Variants in FGF7 observed in about 807,000 individuals in gnomAD.
The protein encoded by FGF7 is fibroblast growth factor 7.
A neutral mutation model predicts 20.5 loss-of-function variants in FGF7; 6 were observed. The ratio of observed to expected loss-of-function variants is 0.29; its 90% CI spans 0.16 to 0.58. The LOEUF (loss-of-function observed/expected upper bound fraction) is 0.58. Among genes scored for constraint, FGF7 ranks in the 20% least tolerant of loss-of-function variants. FGF7 has a pLI of 0.90. For synonymous variants in FGF7, 64 were observed against 74.7 expected (o/e 0.86, Z 0.74); for missense variants, 144 against 228.8 (o/e 0.63, Z 2.39).
chr15:49,474,626 C>T (rs567518494), intron 2 of FGF7, among the ~76,000 whole-genome samples: 37 of 152,170 alleles, frequency 2.4e-4, no homozygotes, highest in Middle Eastern at 3.4e-3. Context: ...TATCAGTTTT[C>T]GGCAGGAGCC....
chr15:49,428,647 G>C (rs932350156), intron 2 of FGF7, among the ~76,000 whole-genome samples: 4 of 151,978 alleles, frequency 2.6e-5, no homozygotes, highest in African/African-American at 9.7e-5. Context: ...TTGAGAGACA[G>C]ATGTGGAAGA....
At chr15:49,456,640 A>G (rs1476327782) in intron 2 of FGF7, among the ~76,000 whole-genome samples, 3 of 152,250 alleles carry the variant, frequency 2.0e-5, no homozygotes, top group African/African-American at 4.8e-5. Context: ...CATAGTAACT[A>G]CAAAATAAGG....
intron 2 of FGF7, among the ~76,000 whole-genome samples, chr15:49,431,878 C>A (rs545861767): frequency 2.7e-4 from 41 of 151,616 alleles, no homozygotes; most frequent in African/African-American, 9.6e-4. Flanking sequence ...AAGGAAGAAA[C>A]AAAACCACTA....
chr15:49,448,671 G>T (rs1453170855), intron 2 of FGF7, among the ~76,000 whole-genome samples: 7 of 150,074 alleles, frequency 4.7e-5, no homozygotes, highest in Non-Finnish European at 4.4e-5. Flanking sequence ...ATCCACATAT[G>T]TACATATATA....
chr15:49,429,936 G>T (rs532531300), intron 2 of FGF7, among the ~76,000 whole-genome samples: 1 of 152,066 alleles, frequency 6.6e-6, no homozygotes, highest in East Asian at 1.9e-4. Flanking sequence ...TGCTTATGGA[G>T]AACAAGAATT....
At chr15:49,455,508 T>C (rs991540268) in intron 2 of FGF7, among the ~76,000 whole-genome samples, 4 of 152,184 alleles carry the variant, frequency 2.6e-5, no homozygotes, top group South Asian at 2.1e-4. Flanking sequence ...GGGTGCTCAA[T>C]TGCACTACTC....
intron 2 of FGF7, among the ~76,000 whole-genome samples, chr15:49,458,998 C>A (rs1157452813): frequency 6.6e-6 from 1 of 152,038 alleles, no homozygotes; most frequent in African/African-American, 2.4e-5. Context: ...GTTTGATTGT[C>A]CTTCATTTCT....
intron 2 of FGF7, among the ~76,000 whole-genome samples, chr15:49,461,151 G>A (rs2053762395): frequency 6.6e-6 from 1 of 152,098 alleles, no homozygotes; most frequent in African/African-American, 2.4e-5. Context: ...ATCTGTTGAA[G>A]TCCTCCTCGA....
intron 2 of FGF7, among the ~76,000 whole-genome samples, chr15:49,468,014 C>T (rs2054417137): frequency 6.6e-6 from 1 of 152,118 alleles, no homozygotes; most frequent in African/African-American, 2.4e-5. Flanking sequence ...AGTTCTAACG[C>T]TGCTGAAACA....
chr15:49,442,811 C>T (rs1011723660), intron 2 of FGF7, among the ~76,000 whole-genome samples: 3 of 151,654 alleles, frequency 2.0e-5, no homozygotes, highest in Admixed American at 6.6e-5. Flanking sequence ...TTTTTAATTC[C>T]GTTTGTGCTT....
intron 2 of FGF7, among the ~76,000 whole-genome samples, chr15:49,439,451 G>C (rs952822507): frequency 1.5e-4 from 22 of 151,684 alleles, no homozygotes; most frequent in Non-Finnish European, 2.8e-4. Flanking sequence ...ACTACCCAAG[G>C]GTGTGAATAG....
Position 49,423,307 on chromosome 15 carries a change from G to A in FGF7, c.-400G>A, listed in dbSNP as rs900216765. 7.9e-5 allele frequency: 12 copies of A among 152,008 alleles called. 1 individual carries two copies. The highest frequency in any genetic ancestry group is 7.2e-4 in the Admixed American group (11 of 15,230). 9.4% of individuals were successfully genotyped at this position (152,008 alleles called of 1,614,324 possible). A position where few individuals can be genotyped will look rare whatever the true frequency, so the allele number is the denominator to read the frequency against. ...AAAATCCTTCTGCCTGTTGATTTAT[G>A]GAAACAATTATGATTCTGCTGGAGA... On this transcript the variant is annotated 5_prime_UTR_variant, in exon 1 of 4. It removes an upstream start codon present in the reference 5' UTR. Coordinates refer to ENST00000267843, the MANE Select transcript of FGF7 (RefSeq NM_002009.4).
At chr15:49,442,897 T>C (rs1030325511) in intron 2 of FGF7, among the ~76,000 whole-genome samples, 1 of 151,690 alleles carries the variant, frequency 6.6e-6, no homozygotes, top group Non-Finnish European at 1.5e-5. Context: ...AATGATTAGG[T>C]TGATTAGGAA....
At chr15:49,448,201 T>C (rs1010390662) in intron 2 of FGF7, among the ~76,000 whole-genome samples, 2 of 151,768 alleles carry the variant, frequency 1.3e-5, no homozygotes, top group African/African-American at 4.8e-5. Flanking sequence ...AACTTTCTTT[T>C]CAACCTTCTC....
intron 2 of FGF7, among the ~76,000 whole-genome samples, chr15:49,471,365 T>TA (rs1263483535): frequency 4.6e-5 from 7 of 151,632 alleles, no homozygotes; most frequent in African/African-American, 1.7e-4. Flanking sequence ...AACCTGTAAT[T>TA]ACAGCTACTC....
At chr15:49,464,606 T>C (rs558500399) in intron 2 of FGF7, among the ~76,000 whole-genome samples, 1 of 152,298 alleles carries the variant, frequency 6.6e-6, no homozygotes, top group South Asian at 2.1e-4. Flanking sequence ...TTATACAAGA[T>C]AAAAGTCACT....
In FGF7 at chr15:49,444,874, C is replaced by A. The variant is rs891049519; in HGVS notation, c.286+20291C>A. On this transcript the variant is annotated intron_variant, in intron 2 of 3. Coordinates refer to ENST00000267843, the MANE Select transcript of FGF7 (RefSeq NM_002009.4). Reference sequence around the variant, plus strand: ...TTACAACCTAATGCATAAAGTTTAGCCTCTCTTTTTTTGTTTTTATCACAT... The same window carrying A: ...TTACAACCTAATGCATAAAGTTTAGACTCTCTTTTTTTGTTTTTATCACAT... Among the ~76,000 whole-genome samples, 3 of 151,646 alleles carry A rather than the reference C, an allele frequency of 2.0e-5. No homozygotes were observed. The East Asian group carries it at 5.8e-4, about 29-fold the overall frequency.
chr15:49,471,529 T>C (rs2054761467), intron 2 of FGF7, among the ~76,000 whole-genome samples: 1 of 143,328 alleles, frequency 7.0e-6, no homozygotes, highest in Admixed American at 7.0e-5. Flanking sequence ...ATAATAATAA[T>C]AATATGGCAA....
intron 2 of FGF7, among the ~76,000 whole-genome samples, chr15:49,472,039 T>C (rs2054830384): frequency 6.7e-6 from 1 of 148,292 alleles, no homozygotes; most frequent in Admixed American, 6.7e-5. Context: ...AAAAAAGCTG[T>C]GAAAGTAAAC....
Sources: allele counts gnomAD v4.1 joint callset (sites outside exome capture counted in the v4.1 genomes callset), GRCh38; gene constraint gnomAD v4.1.1; transcripts MANE v1.5; gene names NCBI Gene and HGNC (gene_info 2026-07-23, HGNC 2026-07-21).